GSE1: variants seen among roughly 807,000 people sequenced by gnomAD.
GSE1 encodes genetic suppressor element 1.
In GSE1, 32 loss-of-function variants were observed where a neutral mutation model predicts 112.6. That is an observed-to-expected ratio of 0.28 (90% CI 0.21 to 0.38). GSE1 has a LOEUF of 0.38. GSE1 is among the 10% of genes least tolerant of loss of function. GSE1 has a pLI of 1.00. For synonymous variants in GSE1, 1,115 were observed against 735.6 expected, an observed-to-expected ratio of 1.52 and a Z score of -8.35; for missense variants, 2,348 against 1,699.2, an observed-to-expected ratio of 1.38 and a Z score of -6.71.
chr16:85,640,863 G>T (rs550191663), intron 2 of GSE1, among the ~76,000 whole-genome samples: 2 of 152,226 alleles, frequency 1.3e-5, no homozygotes, highest in Admixed American at 6.5e-5. Flanking sequence ...TGTGAGCGCC[G>T]CGGGCGTCCT....
chr16:85,287,514 C>G (rs954315277), intron 1 of GSE1, among the ~76,000 whole-genome samples: 1 of 152,156 alleles, frequency 6.6e-6, no homozygotes, highest in South Asian at 2.1e-4. Context: ...CTTGCTGTTC[C>G]TTGATTGCAC....
chr16:85,468,323 T>TC (rs2050183147), intron 2 of GSE1, among the ~76,000 whole-genome samples: 1 of 148,304 alleles, frequency 6.7e-6, no homozygotes, highest in African/African-American at 2.5e-5. Flanking sequence ...TTTTTTTTTT[T>TC]TTTTTTTTTT....
chr16:85,513,135 C>T (rs2051803454), intron 2 of GSE1, among the ~76,000 whole-genome samples: 1 of 152,114 alleles, frequency 6.6e-6, no homozygotes, highest in African/African-American at 2.4e-5. Context: ...CTCACCTGGC[C>T]CAGCAGGGAC....
At chr16:85,185,360 G>C (rs1362511983) in intron 1 of GSE1, 1 of 152,332 alleles carries the variant, frequency 6.6e-6, no homozygotes, top group Non-Finnish European at 1.5e-5. Context: ...ATGGGTCTGA[G>C]AGATGCTCCT....
chr16:85,518,606 G>A (rs547146488), intron 2 of GSE1, among the ~76,000 whole-genome samples: 2 of 152,122 alleles, frequency 1.3e-5, no homozygotes, highest in Non-Finnish European at 2.9e-5. Flanking sequence ...TTCCCCAGCT[G>A]TAAAATGGGG....
chr16:85,416,376 G>A (rs553555645), intron 2 of GSE1, among the ~76,000 whole-genome samples: 3 of 152,112 alleles, frequency 2.0e-5, no homozygotes, highest in Non-Finnish European at 1.5e-5. Flanking sequence ...GGGTTTCTCC[G>A]TTCAGAGCCC....
intron 2 of GSE1, among the ~76,000 whole-genome samples, chr16:85,434,138 C>T (rs1232323414): frequency 6.6e-6 from 1 of 152,040 alleles, no homozygotes; most frequent in Non-Finnish European, 1.5e-5. Flanking sequence ...GAAACTGAGA[C>T]TCAAAGATGG....
chr16:85,643,703 T>C (rs948700692), intron 2 of GSE1, among the ~76,000 whole-genome samples: 1 of 151,956 alleles, frequency 6.6e-6, no homozygotes, highest in Non-Finnish European at 1.5e-5. Flanking sequence ...ATTTGTAGAG[T>C]TGGGGTACAG....
chr16:85,660,389 C>A (rs565646636), intron 8 of GSE1, among the ~76,000 whole-genome samples: 1 of 152,172 alleles, frequency 6.6e-6, no homozygotes, highest in African/African-American at 2.4e-5. Flanking sequence ...GTAATCCCAG[C>A]ACTTCGGGAG....
At chr16:85,253,414 T>A (rs979367775) in intron 1 of GSE1, among the ~76,000 whole-genome samples, 4 of 152,192 alleles carry the variant, frequency 2.6e-5, no homozygotes, top group Admixed American at 2.0e-4. Context: ...GCCCTGGAAA[T>A]GGGGTGGGGT....
In GSE1 at chr16:85,613,362, T is replaced by A. The variant is rs761315818; in HGVS notation, c.-30T>A. The A allele has an allele frequency of 3.2e-6, 5 of 1,569,274 alleles. No homozygotes were observed. In the Admixed American group the frequency reaches 5.5e-5, roughly 17 times the overall value. ...TGGGCGACGGTGGCTCCAGCATGTA[T>A]CAGCCGAGGTGGAGCTGCGGGGCCC... On this transcript the variant is annotated 5_prime_UTR_variant, in exon 1 of 16. An upstream open reading frame in the 5' UTR gains an earlier in-frame stop. Coordinates refer to ENST00000253458, the MANE Select transcript of GSE1 (RefSeq NM_014615.5).
chr16:85,225,228 C>T (rs1431983454), intron 1 of GSE1, among the ~76,000 whole-genome samples: 2 of 152,152 alleles, frequency 1.3e-5, no homozygotes, highest in South Asian at 2.1e-4. Context: ...GCTGAAGACA[C>T]AGTTGAGGTG....
Position 85,443,439 on chromosome 16 carries a change from C to T in GSE1, c.2464+85796C>T, listed in dbSNP as rs373390938. On this transcript the variant is annotated intron_variant, in intron 2 of 2. Transcript: ENST00000637419. ...CTCCACCTGTAAAACAGAGCTAGGA[C>T]AATGACCTTCCTCCTCATGTTACTG... is the stretch of plus-strand genomic sequence containing the variant. Among the ~76,000 whole-genome samples, 17 of 152,370 alleles carry T rather than the reference C, an allele frequency of 1.1e-4. No homozygotes were observed. The East Asian group carries it at 1.7e-3, about 16-fold the overall frequency.
intron 1 of GSE1, among the ~76,000 whole-genome samples, chr16:85,179,990 A>C (rs1045192832): frequency 6.6e-6 from 1 of 152,160 alleles, no homozygotes; most frequent in Non-Finnish European, 1.5e-5. Context: ...ACAGTCGCTA[A>C]CCATCTCGTC....
intron 2 of GSE1, among the ~76,000 whole-genome samples, chr16:85,358,915 G>T (rs1370909731): frequency 6.6e-6 from 1 of 152,220 alleles, no homozygotes; most frequent in Non-Finnish European, 1.5e-5. Flanking sequence ...AAGAGCCTTG[G>T]ACAAGTGAGT....
chr16:85,484,002 T>C (rs771123425), intron 2 of GSE1, among the ~76,000 whole-genome samples: 1 of 152,016 alleles, frequency 6.6e-6, no homozygotes, highest in Admixed American at 6.6e-5. Flanking sequence ...GAGAGGTGCG[T>C]CCCTGTTTTC....
At chr16:85,602,803 T>G (rs1467887899) in intron 1 of GSE1, among the ~76,000 whole-genome samples, 1 of 152,154 alleles carries the variant, frequency 6.6e-6, no homozygotes, top group Non-Finnish European at 1.5e-5. Context: ...GCTCAGCAGG[T>G]GGAAGTGTAC....
At chr16:85,456,762 G>T (rs1488248544) in intron 2 of GSE1, among the ~76,000 whole-genome samples, 3 of 152,052 alleles carry the variant, frequency 2.0e-5, no homozygotes, top group Non-Finnish European at 2.9e-5. Flanking sequence ...TGAGAGGCCC[G>T]CTAGGAGGCT....
upstream of GSE1, chr16:85,555,886 T>G: frequency 1.3e-6 from 1 of 789,346 alleles, no homozygotes; most frequent in Non-Finnish European, 1.5e-6. Context: ...TTCATCACCC[T>G]CACCTCCCCC....
Sources: allele counts gnomAD v4.1 joint callset (sites outside exome capture counted in the v4.1 genomes callset), GRCh38; gene constraint gnomAD v4.1.1; transcripts MANE v1.5; gene names NCBI Gene and HGNC (gene_info 2026-07-23, HGNC 2026-07-21).